LRP1B: variants seen among roughly 807,000 people sequenced by gnomAD.
LRP1B encodes low-density lipoprotein receptor-related protein 1B.
Under a neutral mutation model 556.6 loss-of-function variants are expected in LRP1B, and 217 were observed. That is an observed-to-expected ratio of 0.39 (90% CI 0.35 to 0.44). The LOEUF (loss-of-function observed/expected upper bound fraction) is 0.44. Ranked by LOEUF, LRP1B falls within the 20% of genes least tolerant of loss-of-function variation. The probability of loss-of-function intolerance (pLI) is 1.00; values close to 1 mark genes in which losing one functional copy is unlikely to be tolerated. For missense variants in LRP1B, 5,053 were observed against 5,620.8 expected (o/e 0.90, Z 3.23); for synonymous variants, 2,047 against 1,865.8 (o/e 1.10, Z -2.50).
chr2:140,605,057 C>T (rs1682818973), intron 41 of LRP1B, among the ~76,000 whole-genome samples: 1 of 152,066 alleles, frequency 6.6e-6, no homozygotes, highest in South Asian at 2.1e-4. Context: ...CAGACTAACA[C>T]ACAAATTTAG....
At chr2:140,345,782 A>G (rs1039571923) in intron 77 of LRP1B, among the ~76,000 whole-genome samples, 1 of 129,364 alleles carries the variant, frequency 7.7e-6, no homozygotes, top group African/African-American at 3.4e-5. Context: ...ATATATACAT[A>G]TATATACACA....
chr2:140,478,889 TTAAA>T (rs1688097050), intron 59 of LRP1B, among the ~76,000 whole-genome samples: 1 of 152,114 alleles, frequency 6.6e-6, no homozygotes, highest in African/African-American at 2.4e-5. Context: ...TTTATCTGAC[TTAAA>T]TAGGAAATAT....
At chr2:141,537,493 G>A (rs1685107179) in intron 2 of LRP1B, among the ~76,000 whole-genome samples, 2 of 152,056 alleles carry the variant, frequency 1.3e-5, no homozygotes, top group African/African-American at 4.8e-5. Flanking sequence ...TTTAATCATT[G>A]TTTTATAATG....
At chr2:141,344,540 A>G (rs1253330409) in intron 3 of LRP1B, among the ~76,000 whole-genome samples, 2 of 152,284 alleles carry the variant, frequency 1.3e-5, no homozygotes, top group East Asian at 1.9e-4. Context: ...TGGTCACTCT[A>G]TGTAAATTCT....
chr2:140,982,850 C>T (rs185780911), intron 17 of LRP1B, among the ~76,000 whole-genome samples: 6 of 127,266 alleles, frequency 4.7e-5, no homozygotes, highest in Admixed American at 3.8e-4. Context: ...ATACATTTGG[C>T]CTTAAGGTGT....
intron 3 of LRP1B, among the ~76,000 whole-genome samples, chr2:141,279,737 C>T (rs973864213): frequency 1.3e-5 from 2 of 152,016 alleles, no homozygotes; most frequent in Non-Finnish European, 2.9e-5. Context: ...TAGGCAAGCT[C>T]TGACTTACGA....
intron 49 of LRP1B, among the ~76,000 whole-genome samples, chr2:140,518,002 C>T (rs1238993984): frequency 2.0e-5 from 3 of 152,038 alleles, no homozygotes; most frequent in East Asian, 3.9e-4. Context: ...AGCCACTGTG[C>T]CCAGCCTAAA....
chr2:140,798,096 C>T (rs1017009911), intron 32 of LRP1B, among the ~76,000 whole-genome samples: 2 of 152,046 alleles, frequency 1.3e-5, no homozygotes, highest in African/African-American at 4.8e-5. Context: ...ATCTGATAAA[C>T]TTGATTTGTT....
At chr2:141,890,312 A>G (rs1699243441) in intron 1 of LRP1B, among the ~76,000 whole-genome samples, 1 of 65,678 alleles carries the variant, frequency 1.5e-5, no homozygotes, top group African/African-American at 4.9e-5. Flanking sequence ...GTCACAGGTA[A>G]GGGCACAATA....
intron 31 of LRP1B, among the ~76,000 whole-genome samples, chr2:140,838,022 C>T (rs967942025): frequency 6.6e-6 from 1 of 151,618 alleles, no homozygotes; most frequent in Non-Finnish European, 1.5e-5. Flanking sequence ...GAGTACCTCT[C>T]TTATAAACTT....
chr2:141,490,590 T>C (rs1057240486), intron 2 of LRP1B, among the ~76,000 whole-genome samples: 3 of 152,102 alleles, frequency 2.0e-5, no homozygotes, highest in Admixed American at 2.0e-4. Flanking sequence ...TCATTAGTTA[T>C]AGCCTTAGAA....
rs553519691 is a variant in LRP1B, at chr2:140,706,942, A to C, written c.6024-4389T>G. Among the ~76,000 whole-genome samples the C allele has an allele frequency of 2.7e-4, 41 of 152,198 alleles. 2 individuals are homozygous for C. In the Middle Eastern group the frequency reaches 0.01, roughly 38 times the overall value. Reference sequence around the variant, plus strand: ...AGCTAACATTAGTGACAAAGCTCTGATTTTTGTGTGAGAAGGGTAATGGAG... The same window carrying C: ...AGCTAACATTAGTGACAAAGCTCTGCTTTTTGTGTGAGAAGGGTAATGGAG... On this transcript the variant is annotated intron_variant, in intron 37 of 90. Transcript: ENST00000389484.
At chr2:141,232,506 C>T (rs376716681) in intron 5 of LRP1B, among the ~76,000 whole-genome samples, 5 of 152,028 alleles carry the variant, frequency 3.3e-5, no homozygotes, top group East Asian at 1.9e-4. Flanking sequence ...GAAGAGAGGC[C>T]GGAATATAAA....
At chr2:141,722,277 C>T (rs945436491) in intron 2 of LRP1B, among the ~76,000 whole-genome samples, 3 of 152,070 alleles carry the variant, frequency 2.0e-5, no homozygotes, top group East Asian at 1.9e-4. Context: ...GCTCAGGACG[C>T]TAAGGCACGA....
chr2:141,160,643 A>G (rs969175326), intron 7 of LRP1B, among the ~76,000 whole-genome samples: 1 of 152,072 alleles, frequency 6.6e-6, no homozygotes, highest in Non-Finnish European at 1.5e-5. Flanking sequence ...CTTGGAAAAA[A>G]AAAGCCAATT....
At chr2:141,154,084 A>G (rs1574132489) in intron 7 of LRP1B, among the ~76,000 whole-genome samples, 1 of 152,010 alleles carries the variant, frequency 6.6e-6, no homozygotes, top group East Asian at 1.9e-4. Flanking sequence ...CCCTGGGCAT[A>G]TAAACTGATG....
chr2:141,920,280 G>T lies in LRP1B; in HGVS notation c.83-109879C>A, dbSNP rs1191444754. 1.8e-3 allele frequency among the ~76,000 whole-genome samples: 162 copies of T among 90,126 alleles called. 4 individuals are homozygous for T. In the Middle Eastern group the frequency reaches 0.027, roughly 15 times the overall value. 59.1% of individuals were successfully genotyped at this position (90,126 alleles called of 152,430 possible). On this transcript the variant is annotated intron_variant, in intron 1 of 90. Transcript: ENST00000389484. ...TTCAATTTTTTTCTTCTTTTTTTTT[G>T]GGGGGGGGTGGTAGGGATAATCATT...
At chr2:140,753,657 G>A (rs973259268) in intron 35 of LRP1B, among the ~76,000 whole-genome samples, 4 of 152,136 alleles carry the variant, frequency 2.6e-5, no homozygotes, top group Non-Finnish European at 5.9e-5. Flanking sequence ...AGAACAATAA[G>A]AGTCTGTGGC....
intron 41 of LRP1B, among the ~76,000 whole-genome samples, chr2:140,672,399 G>A (rs1685516905): frequency 6.8e-6 from 1 of 147,750 alleles, no homozygotes; most frequent in East Asian, 2.1e-4. Flanking sequence ...CAGGAGAATC[G>A]CTTGAACCCA....
Sources: allele counts gnomAD v4.1 joint callset (sites outside exome capture counted in the v4.1 genomes callset), GRCh38; gene constraint gnomAD v4.1.1; transcripts MANE v1.5; gene names NCBI Gene and HGNC (gene_info 2026-07-23, HGNC 2026-07-21).